PRKCE: variants seen among roughly 807,000 people sequenced by gnomAD.
The protein encoded by PRKCE is protein kinase C epsilon type.
In PRKCE, 16 loss-of-function variants were observed where a neutral mutation model predicts 85.4. The observed-to-expected ratio is 0.19, with a 90% CI of 0.13 to 0.28. PRKCE has a LOEUF of 0.28. Among genes scored for constraint, PRKCE ranks in the 10% least tolerant of loss-of-function variants. The probability of loss-of-function intolerance (pLI) is 1.00; values close to 1 mark genes in which losing one functional copy is unlikely to be tolerated. For synonymous variants in PRKCE, 388 were observed against 371.5 expected (o/e 1.04, Z -0.51); for missense variants, 573 against 975.2 (o/e 0.59, Z 5.49).
chr2:45,918,688 G>A (rs944636217), intron 2 of PRKCE, among the ~76,000 whole-genome samples: 46 of 152,306 alleles, frequency 3.0e-4, no homozygotes, highest in Admixed American at 2.9e-3. Flanking sequence ...GAAACTAAAG[G>A]CACATGTAGG....
intron 1 of PRKCE, among the ~76,000 whole-genome samples, chr2:45,781,810 T>G (rs1056569156): frequency 2.0e-5 from 3 of 152,160 alleles, no homozygotes; most frequent in African/African-American, 7.2e-5. Context: ...GACACCACAG[T>G]GCGGGGTTAC....
chr2:46,074,760 C>T (rs1021544295), intron 10 of PRKCE, among the ~76,000 whole-genome samples: 3 of 152,184 alleles, frequency 2.0e-5, no homozygotes, highest in Admixed American at 2.0e-4. Flanking sequence ...GCTTTGAGTT[C>T]TTCTTTACTG....
At chr2:45,887,613 G>C (rs1695397595) in intron 2 of PRKCE, among the ~76,000 whole-genome samples, 1 of 151,796 alleles carries the variant, frequency 6.6e-6, no homozygotes, top group African/African-American at 2.4e-5. Context: ...AGCCATGATT[G>C]AGAGGGTCCC....
intron 1 of PRKCE, among the ~76,000 whole-genome samples, chr2:45,725,571 A>G (rs1573079349): frequency 1.3e-5 from 2 of 152,270 alleles, no homozygotes; most frequent in East Asian, 1.9e-4. Context: ...GAACACTCAC[A>G]TCTGTAATCC....
chr2:45,672,639 G>A (rs886199009), intron 1 of PRKCE, among the ~76,000 whole-genome samples: 1 of 152,180 alleles, frequency 6.6e-6, no homozygotes, highest in African/African-American at 2.4e-5. Context: ...CTACCCTGTG[G>A]GCTGATAAAA....
chr2:45,891,002 A>C (rs1024055189), intron 2 of PRKCE, among the ~76,000 whole-genome samples: 12 of 152,250 alleles, frequency 7.9e-5, no homozygotes, highest in Non-Finnish European at 1.3e-4. Context: ...TCTGCTCAGC[A>C]GAGCTGGAGG....
chr2:45,730,641 G>A (rs1681489613), intron 1 of PRKCE, among the ~76,000 whole-genome samples: 1 of 151,402 alleles, frequency 6.6e-6, no homozygotes, highest in African/African-American at 2.4e-5. Flanking sequence ...TGTATTTTTA[G>A]TACAGACAGG....
chr2:45,868,425 C>A (rs1023443705), intron 2 of PRKCE, among the ~76,000 whole-genome samples: 1 of 149,804 alleles, frequency 6.7e-6, no homozygotes, highest in Non-Finnish European at 1.5e-5. Flanking sequence ...TAAGTAGTTG[C>A]TAGCCCAACT....
At chr2:45,848,562 C>T (rs1052157361) in intron 2 of PRKCE, among the ~76,000 whole-genome samples, 2 of 152,168 alleles carry the variant, frequency 1.3e-5, no homozygotes, top group Non-Finnish European at 2.9e-5. Flanking sequence ...CCACCCACCT[C>T]GGCCTCCCAA....
chr2:45,786,023 G>A lies in PRKCE; in HGVS notation c.349-56977G>A, dbSNP rs945530914. ...GTCATGCTGCCTCAGCGCTGCTGAGGGGTCTAGAGTCTCACAGCCCTGCTG... is the reference window on the plus strand; with the variant it reads ...GTCATGCTGCCTCAGCGCTGCTGAGAGGTCTAGAGTCTCACAGCCCTGCTG... On this transcript the variant is annotated intron_variant, in intron 1 of 14. Coordinates refer to ENST00000306156, the MANE Select transcript of PRKCE (RefSeq NM_005400.3). The surrounding 1 kb of genome is among the most constrained non-coding windows in gnomAD (Gnocchi z 5.3). Among the ~76,000 whole-genome samples the A allele has an allele frequency of 2.0e-5, 3 of 152,138 alleles. No homozygotes were observed. The highest frequency in any genetic ancestry group is 4.4e-5 in the Non-Finnish European group (3 of 68,006).
At chr2:46,062,268 T>C (rs1361032859) in intron 10 of PRKCE, among the ~76,000 whole-genome samples, 1 of 152,214 alleles carries the variant, frequency 6.6e-6, no homozygotes, top group Non-Finnish European at 1.5e-5. Context: ...TACTCTTTTG[T>C]TGAGGATAGG....
At chr2:45,846,263 A>G (rs1288633533) in intron 2 of PRKCE, among the ~76,000 whole-genome samples, 3 of 152,138 alleles carry the variant, frequency 2.0e-5, no homozygotes, top group African/African-American at 7.2e-5. Context: ...TTCCCTTCAT[A>G]TGATGTAATT....
chr2:45,777,096 C>T (rs764831563), intron 1 of PRKCE, among the ~76,000 whole-genome samples: 4 of 152,118 alleles, frequency 2.6e-5, no homozygotes, highest in Non-Finnish European at 5.9e-5. Flanking sequence ...TGGGGAATTA[C>T]AGTCCACAAT....
At chr2:46,129,682 G>A (rs754463990) in intron 11 of PRKCE, among the ~76,000 whole-genome samples, 14 of 152,206 alleles carry the variant, frequency 9.2e-5, no homozygotes, top group African/African-American at 3.4e-4. Flanking sequence ...ACTCCAGGCA[G>A]CCTCGTGTTC....
chr2:45,705,462 G>T (rs1679035426), intron 1 of PRKCE, among the ~76,000 whole-genome samples: 1 of 152,314 alleles, frequency 6.6e-6, no homozygotes, highest in Admixed American at 6.5e-5. Flanking sequence ...AGGAGGCGGG[G>T]TGTAAACCCA....
rs1310579771 is a variant in PRKCE at position 46,001,096 on chromosome 2, A to C, written c.824-308A>C. On this transcript the variant is annotated intron_variant, in intron 6 of 14. Coordinates refer to ENST00000306156, the MANE Select transcript of PRKCE (RefSeq NM_005400.3). This position sits in a 1 kb window ranked among gnomAD's most constrained non-coding sequence, Gnocchi z 4.4. ...TGAATTCAGACTGGAGATCTGAAAG[A>C]TTCCCAGTCCCTGGAGGGAAATATA... 6.5e-6 allele frequency: 1 copy of C among 152,930 alleles called. No homozygotes were observed. Among genetic ancestry groups the C allele is most frequent in the Non-Finnish European group, 1.5e-5 (1 of 68,584 alleles). The allele number at this position is 152,930 out of a possible 1,614,324, so 9.5% of individuals were successfully genotyped here.
At chr2:45,892,485 C>T (rs1573773867) in intron 2 of PRKCE, among the ~76,000 whole-genome samples, 1 of 151,960 alleles carries the variant, frequency 6.6e-6, no homozygotes, top group Non-Finnish European at 1.5e-5. Flanking sequence ...TGTTGACAAG[C>T]TGAGGACTTG....
At chr2:45,844,326 T>C (rs1330238044) in intron 2 of PRKCE, among the ~76,000 whole-genome samples, 1 of 152,250 alleles carries the variant, frequency 6.6e-6, no homozygotes, top group Non-Finnish European at 1.5e-5. Flanking sequence ...TTTCCTGCTC[T>C]TTATTGCAAT....
intron 14 of PRKCE, among the ~76,000 whole-genome samples, chr2:46,180,995 C>G (rs1679924889): frequency 6.6e-6 from 1 of 152,168 alleles, no homozygotes; most frequent in African/African-American, 2.4e-5. Context: ...ATCTCTCAGG[C>G]TCTGCAGTGG....
Sources: allele counts gnomAD v4.1 joint callset (sites outside exome capture counted in the v4.1 genomes callset), GRCh38; gene constraint gnomAD v4.1.1; non-coding constraint Gnocchi (gnomAD v3.1); transcripts MANE v1.5; gene names NCBI Gene and HGNC (gene_info 2026-07-23, HGNC 2026-07-21).